The following PHKA1 variants were observed in gnomAD, a reference collection of about 807,000 sequenced individuals.
PHKA1 encodes the protein phosphorylase b kinase regulatory subunit alpha, skeletal muscle isoform.
In PHKA1, 60 loss-of-function variants were observed where a neutral mutation model predicts 110.2. The ratio of observed to expected loss-of-function variants is 0.54; its 90% confidence interval spans 0.44 to 0.68. The LOEUF (loss-of-function observed/expected upper bound fraction) is 0.68. Ranked by LOEUF, PHKA1 falls within the 30% of genes least tolerant of loss-of-function variation. The pLI, the probability that PHKA1 is intolerant of heterozygous loss-of-function variation, is 0.00. For missense variants in PHKA1, 801 were observed against 942.5 expected (o/e 0.85, Z 1.97); for synonymous variants, 316 against 333.6 (o/e 0.95, Z 0.58).
chrX:72,681,660 G>A (rs1426358758), intron 5 of PHKA1, among the ~76,000 whole-genome samples: 61 of 86,440 alleles, frequency 7.1e-4, no homozygotes, highest in African/African-American at 2.1e-3. Flanking sequence ...CACCCCGTCC[G>A]GGAGGGAGAT....
chrX:72,602,418 A>T (rs781944418), intron 26 of PHKA1, 145 bp from the exon 27 acceptor site: 21 of 476,909 alleles, frequency 4.4e-5, no homozygotes, highest in Non-Finnish European at 7.2e-5. Context: ...AATGTGGTCC[A>T]TGGACCAACA....
chrX:72,669,906 T>C (rs1453260796), intron 6 of PHKA1, among the ~76,000 whole-genome samples: 2 of 110,740 alleles, frequency 1.8e-5, no homozygotes, highest in African/African-American at 3.3e-5. Context: ...AGTAATGGGA[T>C]GGCTGGGTCA....
chrX:72,584,536 T>C (rs1400015918), intron 29 of PHKA1, among the ~76,000 whole-genome samples: 1 of 111,053 alleles, frequency 9.0e-6, no homozygotes, highest in Non-Finnish European at 1.9e-5. Context: ...CATCCTCTAC[T>C]TAGGGAAATG....
chrX:72,602,764 C>T (rs1211128705), intron 26 of PHKA1, among the ~76,000 whole-genome samples: 1 of 112,086 alleles, frequency 8.9e-6, no homozygotes, highest in Non-Finnish European at 1.9e-5. Flanking sequence ...CAGCTATACA[C>T]ATAATACAAT....
chrX:72,608,162 T>C (rs1182961749), intron 23 of PHKA1, among the ~76,000 whole-genome samples: 2 of 111,367 alleles, frequency 1.8e-5, no homozygotes, highest in Non-Finnish European at 3.8e-5. Context: ...CTGCCAAAAC[T>C]GGGTACTTCT....
At chrX:72,629,484 T>C (rs986167222) in intron 16 of PHKA1, among the ~76,000 whole-genome samples, 2 of 111,890 alleles carry the variant, frequency 1.8e-5, no homozygotes, top group African/African-American at 6.5e-5. Flanking sequence ...ACCTGTTTTT[T>C]TCTTTACTCT....
At chrX:72,711,018 C>T (rs2054371997) in intron 2 of PHKA1, among the ~76,000 whole-genome samples, 1 of 105,978 alleles carries the variant, frequency 9.4e-6, no homozygotes, top group Non-Finnish European at 1.9e-5. Context: ...CCCGCTACCA[C>T]GCCCGGCTAA....
At chrX:72,661,901 G>A (rs1055381689) in intron 8 of PHKA1, among the ~76,000 whole-genome samples, 1 of 111,421 alleles carries the variant, frequency 9.0e-6, no homozygotes, top group African/African-American at 3.3e-5. Flanking sequence ...GCAAGTGACT[G>A]GCAGCAAGAA....
chrX:72,713,652 G>A, intron 1 of PHKA1, 151 bp downstream of exon 1: 1 of 507,901 alleles, frequency 2.0e-6, no homozygotes, highest in Non-Finnish European at 3.4e-6. Context: ...CACACGCGGA[G>A]TTCATGCAAG....
chrX:72,697,168 GAGCAGTCTAC>G (rs1320436487), intron 3 of PHKA1: 1 of 111,129 alleles, frequency 9.0e-6, no homozygotes, highest in African/African-American at 3.3e-5. Context: ...GGACCGTAGA[GAGCAGTCTAC>G]AGCCTGAGAC....
At chrX:72,645,785 G>A (rs782016487) in intron 13 of PHKA1, among the ~76,000 whole-genome samples, 1 of 112,176 alleles carries the variant, frequency 8.9e-6, no homozygotes, top group Admixed American at 9.4e-5. Context: ...CATACACATG[G>A]ATTGTAAAAT....
At chrX:72,622,223 C>T (rs1484867675) in intron 18 of PHKA1, 1 of 752,063 alleles carries the variant, frequency 1.3e-6, no homozygotes, top group Non-Finnish European at 1.6e-6. Flanking sequence ...GAAAATAGTC[C>T]TTCTGACTGC....
chrX:72,644,551 T>A, intron 13 of PHKA1, 55 bp from the exon 14 acceptor site: 1 of 1,031,135 alleles, frequency 9.7e-7, no homozygotes, highest in Non-Finnish European at 1.4e-6. Flanking sequence ...AATAGCAACT[T>A]AACAATCTCT....
At chrX:72,623,345 A>C in intron 17 of PHKA1, 70 bp from the exon 18 acceptor site, 5 of 824,610 alleles carry the variant, frequency 6.1e-6, no homozygotes, top group Non-Finnish European at 9.0e-6. Flanking sequence ...AATCTTAGTG[A>C]TAAAAGGACA....
chrX:72,698,842 G>A (rs1201901290), intron 3 of PHKA1, among the ~76,000 whole-genome samples: 1 of 112,183 alleles, frequency 8.9e-6, no homozygotes, highest in Non-Finnish European at 1.9e-5. Flanking sequence ...GGGGCTAAGA[G>A]CAAGATGGAG....
At chrX:72,608,632 C>T (rs1603254776) in intron 23 of PHKA1, among the ~76,000 whole-genome samples, 1 of 111,173 alleles carries the variant, frequency 9.0e-6, no homozygotes, top group South Asian at 3.9e-4. Context: ...TGAACTGGAA[C>T]TCAAGGGTAA....
chrX:72,651,722 G>A (rs2053432767), intron 12 of PHKA1, among the ~76,000 whole-genome samples: 1 of 111,304 alleles, frequency 9.0e-6, no homozygotes, highest in Non-Finnish European at 1.9e-5. Flanking sequence ...TCGACTAAGA[G>A]TAATCAAACA....
At chrX:72,620,971 C>A in intron 18 of PHKA1, 70 bp from the exon 19 acceptor site, 1 of 1,092,948 alleles carries the variant, frequency 9.1e-7, no homozygotes, top group Non-Finnish European at 1.2e-6. Flanking sequence ...CAATCTACCC[C>A]AGCAAAGAGA....
At chrX:72,625,822 C>T (rs995530219) in intron 17 of PHKA1, among the ~76,000 whole-genome samples, 6 of 111,210 alleles carry the variant, frequency 5.4e-5, no homozygotes, top group Admixed American at 9.6e-5. Flanking sequence ...TGCACCAACA[C>T]GCCTGGCTAA....
Sources: allele counts gnomAD v4.1 joint callset (sites outside exome capture counted in the v4.1 genomes callset), GRCh38; gene constraint gnomAD v4.1.1; transcripts MANE v1.5; gene names NCBI Gene and HGNC (gene_info 2026-07-23, HGNC 2026-07-21).